Variants in TRHDE observed in about 807,000 individuals in gnomAD.
TRHDE encodes thyrotropin-releasing hormone-degrading ectoenzyme.
TRHDE carries 72 observed loss-of-function variants against 125.7 expected under a neutral mutation model. The ratio of observed to expected loss-of-function variants is 0.57; its 90% CI spans 0.47 to 0.70. The LOEUF (loss-of-function observed/expected upper bound fraction) is 0.70, where lower values mean the gene tolerates loss of function less well. TRHDE is among the 30% of genes least tolerant of loss of function. The pLI, the probability that TRHDE is intolerant of heterozygous loss-of-function variation, is 0.00. For synonymous variants in TRHDE, 509 were observed against 509.1 expected (o/e 1.00, Z 0.00); for missense variants, 1,110 against 1,327.1 (o/e 0.84, Z 2.54).
intron 2 of TRHDE, among the ~76,000 whole-genome samples, chr12:72,289,733 T>C (rs1880018285): frequency 6.6e-6 from 1 of 152,182 alleles, no homozygotes; most frequent in Admixed American, 6.5e-5. Flanking sequence ...GAGCTTATAT[T>C]CTAATGAGGT....
chr12:72,089,616 C>T (rs1874745712), intron 1 of TRHDE, among the ~76,000 whole-genome samples: 1 of 151,958 alleles, frequency 6.6e-6, no homozygotes, highest in Admixed American at 6.6e-5. Context: ...CAAATCATAC[C>T]TTCTTAATGA....
intron 2 of TRHDE, among the ~76,000 whole-genome samples, chr12:72,225,725 C>A (rs998181610): frequency 6.6e-6 from 1 of 152,104 alleles, no homozygotes; most frequent in East Asian, 1.9e-4. Flanking sequence ...CCTAAAGAAA[C>A]CAGGAAAATG....
At chr12:72,591,384 C>G (rs1871674252) in intron 12 of TRHDE, among the ~76,000 whole-genome samples, 1 of 151,942 alleles carries the variant, frequency 6.6e-6, no homozygotes, top group Admixed American at 6.6e-5. Context: ...AACAATTTAC[C>G]CCACCAAATA....
chr12:72,330,288 C>T (rs1042686822), intron 2 of TRHDE, among the ~76,000 whole-genome samples: 1 of 151,626 alleles, frequency 6.6e-6, no homozygotes, highest in South Asian at 2.1e-4. Context: ...CACCTCCCTA[C>T]CCCCCACCTC....
intron 1 of TRHDE, among the ~76,000 whole-genome samples, chr12:72,284,965 C>G (rs1879827331): frequency 6.6e-6 from 1 of 152,106 alleles, no homozygotes; most frequent in Admixed American, 6.6e-5. Context: ...GTTACTTAAC[C>G]AAGCGTGGTG....
chr12:72,624,383 A>G (rs1873173742), intron 15 of TRHDE, among the ~76,000 whole-genome samples: 1 of 152,002 alleles, frequency 6.6e-6, no homozygotes, highest in Admixed American at 6.6e-5. Context: ...GTAATGTAGT[A>G]GTATATTTAT....
At chr12:72,148,216 A>G (rs568683275) in intron 2 of TRHDE, among the ~76,000 whole-genome samples, 3 of 152,144 alleles carry the variant, frequency 2.0e-5, no homozygotes, top group Non-Finnish European at 2.9e-5. Context: ...TTTTTCCACA[A>G]CTGTTTCTTG....
chr12:72,292,421 A>G lies in TRHDE; in HGVS notation c.1188+5467A>G, dbSNP rs55661211. Among the ~76,000 whole-genome samples, 747 of 152,308 alleles carry G rather than the reference A, an allele frequency of 4.9e-3. 7 individuals carry two copies. The highest frequency in any genetic ancestry group is 0.024 in the Middle Eastern group (7 of 294). ...ATATTTCCTCTAAATTTTGCTTGAA[A>G]ACCAGACAGTTTAATCTTAACCTCA... On this transcript the variant is annotated intron_variant, in intron 2 of 18. Transcript: ENST00000261180.
intron 2 of TRHDE, among the ~76,000 whole-genome samples, chr12:72,201,356 A>C (rs565147466): frequency 6.6e-6 from 1 of 152,334 alleles, no homozygotes; most frequent in East Asian, 1.9e-4. Flanking sequence ...ATATCAAAAA[A>C]ATAAAGTAGA....
chr12:72,212,523 C>A (rs1877804200), intron 2 of TRHDE, among the ~76,000 whole-genome samples: 1 of 151,946 alleles, frequency 6.6e-6, no homozygotes, highest in Non-Finnish European at 1.5e-5. Context: ...GACAATATAA[C>A]AAATAACCCA....
At chr12:72,655,436 C>T (rs1425175546) in intron 17 of TRHDE, among the ~76,000 whole-genome samples, 1 of 152,048 alleles carries the variant, frequency 6.6e-6, no homozygotes, top group Admixed American at 6.6e-5. Flanking sequence ...TTTCACGTCT[C>T]TTTTTCTTTG....
intron 9 of TRHDE, among the ~76,000 whole-genome samples, chr12:72,563,573 AACAG>A (rs1461680885): frequency 5.3e-5 from 8 of 152,324 alleles, no homozygotes; most frequent in African/African-American, 1.7e-4. Context: ...AAAATCAATA[AACAG>A]ACAGCATACA....
At chr12:72,114,139 G>C (rs1296972585) in intron 2 of TRHDE, among the ~76,000 whole-genome samples, 2 of 151,494 alleles carry the variant, frequency 1.3e-5, no homozygotes, top group African/African-American at 4.9e-5. Context: ...TATGCCAGGG[G>C]CTCCTGGATC....
chr12:72,264,627 AAAAC>A (rs1879024076), intron 2 of TRHDE: 1 of 151,954 alleles, frequency 6.6e-6, no homozygotes, highest in Non-Finnish European at 1.5e-5. Context: ...CTTCTCTGAG[AAAAC>A]AAACAAAATT....
chr12:72,483,688 G>T (rs1196151462), intron 5 of TRHDE, among the ~76,000 whole-genome samples: 3 of 151,522 alleles, frequency 2.0e-5, no homozygotes, highest in African/African-American at 4.8e-5. Context: ...TAACTTTCTG[G>T]GCTCTTCGTA....
intron 3 of TRHDE, among the ~76,000 whole-genome samples, chr12:72,410,669 C>G (rs1364988963): frequency 6.6e-6 from 1 of 152,028 alleles, no homozygotes; most frequent in Non-Finnish European, 1.5e-5. Flanking sequence ...ACATCTAGTT[C>G]ATGACAAAAC....
At chr12:72,216,940 T>C (rs1249653831) in intron 2 of TRHDE, among the ~76,000 whole-genome samples, 1 of 150,494 alleles carries the variant, frequency 6.6e-6, no homozygotes, top group Non-Finnish European at 1.5e-5. Flanking sequence ...TTGCATTTTG[T>C]GTCTGAATGG....
At chr12:72,606,808 T>C (rs1440020135) in intron 12 of TRHDE, among the ~76,000 whole-genome samples, 2 of 152,150 alleles carry the variant, frequency 1.3e-5, no homozygotes, top group Non-Finnish European at 2.9e-5. Flanking sequence ...GTCAGTCTTA[T>C]TTCATCCATG....
rs577833690 is a variant in TRHDE, at chr12:72,392,227, T to C, written c.1315+14106T>C. 4.6e-5 allele frequency among the ~76,000 whole-genome samples: 7 copies of C among 152,320 alleles called. No homozygotes were observed. In the South Asian group the frequency reaches 1.5e-3, roughly 32 times the overall value. ...GGTATTTTGTCACATAAACCTAAGC[T>C]GACTAATACACCTATGTAAGGCTTG... On this transcript the variant is annotated intron_variant, in intron 3 of 18. Transcript: ENST00000261180.
Sources: allele counts gnomAD v4.1 joint callset (sites outside exome capture counted in the v4.1 genomes callset), GRCh38; gene constraint gnomAD v4.1.1; transcripts MANE v1.5; gene names NCBI Gene and HGNC (gene_info 2026-07-23, HGNC 2026-07-21).